Variants in C17orf99 observed in about 807,000 individuals in gnomAD.
The protein encoded by C17orf99 is protein IL-40.
C17orf99 carries 18 observed loss-of-function variants against 22.6 expected under a neutral mutation model. The observed-to-expected ratio is 0.80, with a 90% CI of 0.55 to 1.18. The LOEUF (loss-of-function observed/expected upper bound fraction) is 1.18, where lower values mean the gene tolerates loss of function less well. Ranked by LOEUF, C17orf99 falls within the 50% of genes most tolerant of loss-of-function variation. The pLI is 0.00. For missense variants in C17orf99, 328 were observed against 342.7 expected, an observed-to-expected ratio of 0.96 and a Z score of 0.34; for synonymous variants, 147 against 136.6, an observed-to-expected ratio of 1.08 and a Z score of -0.53.
At chr17:78,163,588 C>T (rs937836012) in intron 3 of C17orf99, among the ~76,000 whole-genome samples, 4 of 152,112 alleles carry the variant, frequency 2.6e-5, no homozygotes, top group Admixed American at 6.6e-5. Flanking sequence ...AAAACCAGGC[C>T]GGGCACGGTG....
chr17:78,161,642 G>A (rs1026898236), intron 3 of C17orf99, among the ~76,000 whole-genome samples: 4 of 152,200 alleles, frequency 2.6e-5, no homozygotes, highest in Non-Finnish European at 4.4e-5. Flanking sequence ...CCAGGAGTTC[G>A]ATACCAGCCT....
In C17orf99 at chr17:78,164,226, G is replaced by A; in HGVS notation, c.502G>A (p.Val168Ile). 1.3e-6 allele frequency: 2 copies of A among 1,551,606 alleles called. No individual in the cohort carries two copies. The highest frequency in any genetic ancestry group is 1.7e-6 in the Non-Finnish European group (2 of 1,147,000). ...CAGCCTGATCGGGAAGGATGGGCAG[G>A]TCCACCTGCAGCAGAGACCATGCCA... ...TNSLIGKDGQ[V>I]HLQQRPCHRQ... Residue 168 changes from valine (V) to isoleucine (I), a missense_variant, in exon 4 of 5, where the codon GTC becomes ATC. Transcript: ENST00000340363.
chr17:78,149,859 G>A (rs1237841172), intron 2 of C17orf99, among the ~76,000 whole-genome samples: 3 of 151,162 alleles, frequency 2.0e-5, no homozygotes, highest in African/African-American at 2.4e-5. Context: ...ACAGGCACAT[G>A]CCACCACGCC....
intron 2 of C17orf99, among the ~76,000 whole-genome samples, chr17:78,151,065 G>A (rs762445031): frequency 3.5e-4 from 53 of 151,978 alleles, no homozygotes; most frequent in Non-Finnish European, 5.9e-4. Flanking sequence ...GGAGGTTGCA[G>A]TGAGCCTGGA....
chr17:78,150,229 A>G (rs1232452431), intron 2 of C17orf99, among the ~76,000 whole-genome samples: 3 of 149,712 alleles, frequency 2.0e-5, no homozygotes, highest in Non-Finnish European at 4.4e-5. Flanking sequence ...GGCTCGTCTC[A>G]GACTCAAGCT....
rs575606471 is a variant in C17orf99, at chr17:78,156,508, G to A, written c.71-4447G>A. ...GGTGGGTGAAGGCCTGCTGGAATGC[G>A]CTGACGGGCTGGTTTTGATCTGGGT... On this transcript the variant is annotated intron_variant, in intron 2 of 4. Transcript: ENST00000340363. 5.9e-5 allele frequency among the ~76,000 whole-genome samples: 9 copies of A among 152,226 alleles called. No homozygotes were observed. The South Asian group carries it at 8.3e-4, about 14-fold the overall frequency.
upstream of C17orf99, among the ~76,000 whole-genome samples, chr17:78,145,822 A>C (rs2004339): frequency 7.0e-6 from 1 of 142,058 alleles, no homozygotes; most frequent in Non-Finnish European, 1.5e-5. Flanking sequence ...TTGAGATGGA[A>C]TCTCACTCTG....
At chr17:78,153,244 G>A (rs983977136) in intron 2 of C17orf99, among the ~76,000 whole-genome samples, 2 of 151,982 alleles carry the variant, frequency 1.3e-5, no homozygotes, top group African/African-American at 4.8e-5. Context: ...GGCACTCTGG[G>A]AGGCCGACGG....
At chr17:78,149,330 T>C (rs2075460338) in intron 2 of C17orf99, among the ~76,000 whole-genome samples, 3 of 40,160 alleles carry the variant, frequency 7.5e-5, no homozygotes, top group African/African-American at 1.3e-4. Context: ...AGACTCTGCC[T>C]CAAAAAAAAA....
intron 2 of C17orf99, among the ~76,000 whole-genome samples, chr17:78,156,926 A>T (rs4789016): frequency 0.36 from 52,817 of 145,204 alleles, 12,453 homozygotes; most frequent in African/African-American, 0.69. Flanking sequence ...CATTTTGTTT[A>T]TATAGAAAAA....
intron 3 of C17orf99, among the ~76,000 whole-genome samples, chr17:78,162,792 T>A (rs2075588157): frequency 6.6e-6 from 1 of 152,054 alleles, no homozygotes; most frequent in African/African-American, 2.4e-5. Flanking sequence ...AAAAAAATTA[T>A]TTTCTTTTTT....
intron 2 of C17orf99, 94 bp downstream of exon 2, chr17:78,147,005 G>GT (rs1441342426): frequency 2.4e-5 from 26 of 1,067,028 alleles, no homozygotes; most frequent in Non-Finnish European, 3.5e-5. Context: ...TGGGAAGGGA[G>GT]TTACTAGTGG....
In C17orf99 at chr17:78,161,072, G is replaced by C; in HGVS notation, c.188G>C (p.Cys63Ser). The part of the protein sequence containing the change: ...QPPPPITYSL[C>S]GTKNIKVAKK... ...CCACCGCCCATCACCTATTCCCTCT[G>C]TGGAACCAAGAACATCAAGGTGGCC... Residue 63 changes from cysteine (C) to serine (S), a missense_variant, in exon 3 of 5, where the codon TGT (cysteine) becomes TCT (serine). Transcript: ENST00000340363. 2 of 1,551,768 alleles carry C rather than the reference G, an allele frequency of 1.3e-6. No individual in the cohort carries two copies. Among genetic ancestry groups the C allele is most frequent in the Non-Finnish European group, 8.7e-7 (1 of 1,147,012 alleles).
intron 2 of C17orf99, among the ~76,000 whole-genome samples, chr17:78,148,474 C>G (rs1398710813): frequency 6.6e-6 from 1 of 151,926 alleles, no homozygotes; most frequent in South Asian, 2.1e-4. Context: ...TGCAGTGAAC[C>G]GTAATCATTA....
intron 3 of C17orf99, among the ~76,000 whole-genome samples, chr17:78,162,535 A>G (rs1425700192): frequency 6.6e-6 from 1 of 152,078 alleles, no homozygotes; most frequent in Non-Finnish European, 1.5e-5. Context: ...CCTAGGGGAG[A>G]TGAGCCCAGG....
chr17:78,165,297 T>G, intron 4 of C17orf99: 3 of 986,024 alleles, frequency 3.0e-6, no homozygotes, highest in Non-Finnish European at 3.6e-6. Flanking sequence ...CCCAGGCCCT[T>G]ACGTGGCTCT....
At chr17:78,162,872 G>A (rs192358354) in intron 3 of C17orf99, among the ~76,000 whole-genome samples, 263 of 152,146 alleles carry the variant, frequency 1.7e-3, no homozygotes, top group African/African-American at 6.0e-3. Context: ...CGCAACCTCC[G>A]CCTCCCAGAT....
intron 2 of C17orf99, among the ~76,000 whole-genome samples, chr17:78,149,084 C>T (rs1326948595): frequency 1.3e-5 from 2 of 152,092 alleles, no homozygotes; most frequent in Non-Finnish European, 2.9e-5. Flanking sequence ...GGAATCCCAG[C>T]ACTTTGGGAG....
intron 2 of C17orf99, among the ~76,000 whole-genome samples, chr17:78,152,179 T>G (rs889590447): frequency 2.0e-5 from 3 of 152,088 alleles, no homozygotes; most frequent in Non-Finnish European, 2.9e-5. Context: ...TTTATTTATT[T>G]ATTTACTTAC....
Sources: gnomAD v4.1 joint callset for allele counts (sites outside exome capture counted in the v4.1 genomes callset) on GRCh38, gnomAD v4.1.1 for gene constraint, MANE v1.5 for transcripts, NCBI Gene and HGNC (gene_info 2026-07-23, HGNC 2026-07-21) for gene names.